The following VWA5B2 variants were observed in gnomAD, a reference collection of about 807,000 sequenced individuals.
VWA5B2 encodes the protein von Willebrand factor A domain-containing protein 5B2.
In VWA5B2, 93 loss-of-function variants were observed where a neutral mutation model predicts 118.5. The ratio of observed to expected loss-of-function variants is 0.79; its 90% CI spans 0.66 to 0.93. The LOEUF is 0.93. Among genes scored for constraint, VWA5B2 ranks in the 40% least tolerant of loss-of-function variants. VWA5B2 has a pLI of 0.00. For synonymous variants in VWA5B2, 708 were observed against 716.3 expected (o/e 0.99, Z 0.19); for missense variants, 1,546 against 1,672.8 (o/e 0.92, Z 1.32).
In VWA5B2 at chr3:184,241,145, G is replaced by A; in HGVS notation, c.2962+38G>A. 6.4e-7 allele frequency: 1 copy of A among 1,551,460 alleles called. No homozygotes were observed. The highest frequency in any genetic ancestry group is 8.7e-7 in the Non-Finnish European group (1 of 1,146,900). On this transcript the variant is annotated intron_variant, in intron 18 of 19. Coordinates refer to ENST00000691901, the MANE Select transcript of VWA5B2 (RefSeq NM_001390846.1). The surrounding 1 kb of genome is among the most constrained non-coding windows in gnomAD (Gnocchi z 5.1). Reference sequence around the variant, plus strand: ...GGTAGGGAAAGGGTAGGGGCACTTGGGCTTAGAGACCGCCCCCTGGCACTG... The same window carrying A: ...GGTAGGGAAAGGGTAGGGGCACTTGAGCTTAGAGACCGCCCCCTGGCACTG...
chr3:184,233,613 G>T lies in VWA5B2; in HGVS notation c.568G>T (p.Glu190Ter), dbSNP rs1403373682. 1 of 1,551,224 alleles carries T rather than the reference G, an allele frequency of 6.4e-7. No individual in the cohort carries two copies. The highest frequency in any genetic ancestry group is 2.0e-5 in the Admixed American group (1 of 50,978). ...CTTCGGGGTGGGCAGCCTTCAGGAG[G>T]AAGGGCTGGCCTGGGAGGAGCTGGC... ...SCFGVGSLQE[E>*]GLAWEELAAP... is the part of the protein sequence containing the mutation. Residue 190 changes from glutamate to a stop codon, truncating the protein, a stop_gained, in exon 5 of 20, where the codon GAA (glutamate) becomes TAA (stop). Coordinates refer to ENST00000691901, the MANE Select transcript of VWA5B2 (RefSeq NM_001390846.1). LOFTEE classifies it high-confidence loss of function. The surrounding 1 kb of genome is among the most constrained non-coding windows in gnomAD (Gnocchi z 5.2).
At chr3:184,232,333 G>C (rs1431752480) in intron 3 of VWA5B2, among the ~76,000 whole-genome samples, 1 of 152,232 alleles carries the variant, frequency 6.6e-6, no homozygotes, top group African/African-American at 2.4e-5. Flanking sequence ...GACTCAATTA[G>C]AGGTCACCGA....
rs1156300098 is a variant in VWA5B2 at position 184,238,357 on chromosome 3, G to A, written c.1774G>A (p.Glu592Lys). ...SGGSVFPSPE[E>K]APSAASPGTE... ...TGGGTCCGTGTTTCCATCCCCAGAA[G>A]AGGCCCCGTCTGCTGCCAGCCCTGG... The change falls in exon 13 of 20, where the codon GAG becomes AAG. Residue 592 changes from glutamate to lysine, a missense_variant. Glu to Lys is a moderately conservative substitution (Grantham distance 56). Around this residue, in one of 3 missense-constraint regions of VWA5B2, gnomAD observed 775 missense variants for 882.3 expected, o/e 0.88. Transcript: ENST00000691901. This position sits in a 1 kb window ranked among gnomAD's most constrained non-coding sequence, Gnocchi z 5.0. The A allele has an allele frequency of 1.3e-6, 2 of 1,549,968 alleles. No homozygotes were observed. Among genetic ancestry groups the A allele is most frequent in the Non-Finnish European group, 1.7e-6 (2 of 1,146,528 alleles).
At position 184,238,625 on chromosome 3, in the gene VWA5B2, T is replaced by C. The variant is rs1199989812; in HGVS notation, c.1954T>C (p.Trp652Arg). 3.2e-6 allele frequency: 5 copies of C among 1,551,876 alleles called. No homozygotes were observed. Among genetic ancestry groups the C allele is most frequent in the South Asian group, 2.4e-5 (2 of 84,072 alleles). Residue 652 changes from tryptophan to arginine, a missense_variant, in exon 14 of 20, where the codon TGG becomes CGG. This residue lies in a region of VWA5B2 where 775 missense variants were observed against 882.3 expected (regional missense o/e 0.88). Transcript: ENST00000691901. The surrounding 1 kb of genome is among the most constrained non-coding windows in gnomAD (Gnocchi z 5.0). ...ACCCAACCCCTCTGACACAGCCATA[T>C]GGCGCCGCATCTTTCAGTCCTCGTA... ...PGPNPSDTAI[W>R]RRIFQSSYIR...
chr3:184,241,839 A>AGCACCGAT lies in VWA5B2; in HGVS notation c.3533_3540dup (p.Ala1181ThrfsTer12), dbSNP rs1560159949. The AGCACCGAT allele has an allele frequency of 6.5e-7, 1 of 1,534,488 alleles. No individual in the cohort carries two copies. On this transcript the variant is annotated frameshift_variant, in exon 20 of 20. Coordinates refer to ENST00000691901, the MANE Select transcript of VWA5B2 (RefSeq NM_001390846.1). LOFTEE classifies it high-confidence loss of function. The surrounding 1 kb of genome is among the most constrained non-coding windows in gnomAD (Gnocchi z 5.1). ...ACTGCCGTAGCACTCGCCTGGCTGG[A>AGCACCGAT]GCACCGATGCGCCGCTGCCTTCGAC...
Position 184,237,252 on chromosome 3 carries a change from G to A in VWA5B2, c.1560G>A (p.Leu520=), listed in dbSNP as rs886969062. The change falls in exon 12 of 20, where the codon CTG becomes CTA. Residue 520 remains leucine (L), a synonymous_variant. Transcript: ENST00000691901. This position sits in a 1 kb window ranked among gnomAD's most constrained non-coding sequence, Gnocchi z 5.6. The part of the protein sequence containing the change: ...PMLVQALRKA[L]EPALSDISVD... Reference sequence around the variant, plus strand: ...TGGTACAGGCTCTGCGGAAGGCACTGGAGCCTGCTTTGAGTGACATCTCTG... The same window carrying A: ...TGGTACAGGCTCTGCGGAAGGCACTAGAGCCTGCTTTGAGTGACATCTCTG... The A allele has an allele frequency of 5.8e-6, 9 of 1,551,472 alleles. No individual in the cohort carries two copies. In the African/African-American group the frequency reaches 1.2e-4, roughly 21 times the overall value.
At chr3:184,234,833 T>A in intron 7 of VWA5B2, 78 bp downstream of exon 7, 1 of 1,538,396 alleles carries the variant, frequency 6.5e-7, no homozygotes, top group Non-Finnish European at 8.8e-7. Context: ...AGGCTTACAT[T>A]GGAATGGGTG....
intron 7 of VWA5B2, 107 bp downstream of exon 7, chr3:184,234,862 C>A: frequency 6.8e-7 from 1 of 1,468,254 alleles, no homozygotes; most frequent in Non-Finnish European, 9.1e-7. Context: ...CCTCTTTTCT[C>A]GGTAAGATCT....
rs748644500 is a variant in VWA5B2 at position 184,241,014 on chromosome 3, G to A, written c.2879-10G>A. ...GACAAACCTGACTCCTGTCCCATGT[G>A]CCCCTGCAGAGCCCGCTGAGCCCCC... is the stretch of plus-strand genomic sequence containing the variant. On this transcript the variant is annotated splice_polypyrimidine_tract_variant and intron_variant, in intron 17 of 19. Transcript: ENST00000691901. This position sits in a 1 kb window ranked among gnomAD's most constrained non-coding sequence, Gnocchi z 5.1. The A allele has an allele frequency of 6.4e-7, 1 of 1,551,560 alleles. No individual in the cohort carries two copies. The highest frequency in any genetic ancestry group is 1.2e-5 in the South Asian group (1 of 84,058).
intron 11 of VWA5B2, 95 bp downstream of exon 11, chr3:184,236,844 G>C: frequency 9.1e-7 from 1 of 1,093,488 alleles, no homozygotes; most frequent in Non-Finnish European, 1.3e-6. Context: ...GGCCATGGGG[G>C]CTCCTGGCGC....
Position 184,235,235 on chromosome 3 carries a change from C to T in VWA5B2, c.1028C>T (p.Ser343Phe). 3 of 1,551,614 alleles carry T rather than the reference C, an allele frequency of 1.9e-6. No homozygotes were observed. The highest frequency in any genetic ancestry group is 2.6e-6 in the Non-Finnish European group (3 of 1,146,948). ...LALSFCPDLS[S>F]KPGHLGTATR... is the part of the protein sequence containing the mutation. Reference sequence around the variant, plus strand: ...CTGAGCTTCTGCCCAGACCTGAGCTCCAAGCCCGGACACCTGGGGACAGCT... The same window carrying T: ...CTGAGCTTCTGCCCAGACCTGAGCTTCAAGCCCGGACACCTGGGGACAGCT... Residue 343 changes from serine to phenylalanine, a missense_variant, in exon 8 of 20, where the codon TCC becomes TTC. This residue lies in a region of VWA5B2 where 775 missense variants were observed against 882.3 expected (regional missense o/e 0.88). Coordinates refer to ENST00000691901, the MANE Select transcript of VWA5B2 (RefSeq NM_001390846.1).
chr3:184,236,112 A>G lies in VWA5B2; in HGVS notation c.1102-40A>G, dbSNP rs190217783. 5.4e-4 allele frequency: 827 copies of G among 1,522,088 alleles called. 4 individuals carry two copies. In the African/African-American group the frequency reaches 8.4e-3, roughly 15 times the overall value. The allele number at this position is 1,522,088 out of a possible 1,614,324, so 94.3% of individuals were successfully genotyped here. ...CTTCCCTTGCTCTGTATCAGGGCCC[A>G]TGGGGCCGGCCTCACGCCGCCCTCC... On this transcript the variant is annotated intron_variant, in intron 8 of 19. Transcript: ENST00000691901.
Position 184,230,400 on chromosome 3 carries a change from G to T in VWA5B2, c.-129G>T. ...CTCAGGAGCTCCCGCTCGGCCTCGC[G>T]CCCCGGCAGGCCCCGTCCGGGTGCT... On this transcript the variant is annotated 5_prime_UTR_variant, in exon 2 of 20. Transcript: ENST00000691901. 2.6e-6 allele frequency: 3 copies of T among 1,154,484 alleles called. No individual in the cohort carries two copies. The highest frequency in any genetic ancestry group is 2.2e-6 in the Non-Finnish European group (2 of 896,174). The allele number at this position is 1,154,484 out of a possible 1,614,324, so 71.5% of individuals were successfully genotyped here. A position where few individuals can be genotyped will look rare whatever the true frequency, so the allele number is the denominator to read the frequency against.
In VWA5B2 at chr3:184,238,434, A is replaced by G; in HGVS notation, c.1851A>G (p.Ala617=). 2 of 1,550,476 alleles carry G rather than the reference A, an allele frequency of 1.3e-6. No homozygotes were observed. The highest frequency in any genetic ancestry group is 1.7e-6 in the Non-Finnish European group (2 of 1,146,400). Residue 617 remains alanine (A), a synonymous_variant, in exon 13 of 20, where the codon GCA becomes GCG. Coordinates refer to ENST00000691901, the MANE Select transcript of VWA5B2 (RefSeq NM_001390846.1). This position sits in a 1 kb window ranked among gnomAD's most constrained non-coding sequence, Gnocchi z 5.0. ...CACTGGGAACAGGCACTGTCTCAGC[A>G]GAACTGTCCAGCCCATGGGCTGCCA... ...SEPLGTGTVS[A]ELSSPWAARD...
chr3:184,233,800 G>T lies in VWA5B2; in HGVS notation c.688+67G>T, dbSNP rs946228681. The T allele has an allele frequency of 1.3e-6, 2 of 1,527,030 alleles. No homozygotes were observed. Among genetic ancestry groups the T allele is most frequent in the Admixed American group, 4.1e-5 (2 of 49,124 alleles). 94.6% of individuals were successfully genotyped at this position (1,527,030 alleles called of 1,614,324 possible). On this transcript the variant is annotated intron_variant, in intron 5 of 19. Coordinates refer to ENST00000691901, the MANE Select transcript of VWA5B2 (RefSeq NM_001390846.1). The surrounding 1 kb of genome is among the most constrained non-coding windows in gnomAD (Gnocchi z 5.2). ...CTCCACCCAGTGTAGTGACTGGAAGGGAAATAAGGCTCAGGGATAGGAGGG... is the reference window on the plus strand; with the variant it reads ...CTCCACCCAGTGTAGTGACTGGAAGTGAAATAAGGCTCAGGGATAGGAGGG...
In VWA5B2 at chr3:184,239,752, C is replaced by T. The variant is rs772459643; in HGVS notation, c.2456C>T (p.Thr819Met). Residue 819 changes from threonine (T) to methionine (M), a missense_variant, in exon 16 of 20, where the codon ACG (threonine) becomes ATG (methionine). Transcript: ENST00000691901. This position sits in a 1 kb window ranked among gnomAD's most constrained non-coding sequence, Gnocchi z 5.1. Reference sequence around the variant, plus strand: ...CTGATGGAACCACCCTTCTTATTCACGGCTGTGCCTCCTAGTGGGGAGTTG... The same window carrying T: ...CTGATGGAACCACCCTTCTTATTCATGGCTGTGCCTCCTAGTGGGGAGTTG... The part of the protein sequence containing the change: ...DMLMEPPFLF[T>M]AVPPSGELAP... 40 of 1,517,716 alleles carry T rather than the reference C, an allele frequency of 2.6e-5. 1 individual carries two copies. Among genetic ancestry groups the T allele is most frequent in the Admixed American group, 1.0e-4 (5 of 48,290 alleles). 94.0% of individuals were successfully genotyped at this position (1,517,716 alleles called of 1,614,324 possible).
At position 184,240,775 on chromosome 3, in the gene VWA5B2, C is replaced by G. The variant is rs1231097504; in HGVS notation, c.2741-16C>G. 1.3e-6 allele frequency: 2 copies of G among 1,549,862 alleles called. No individual in the cohort carries two copies. The highest frequency in any genetic ancestry group is 1.7e-6 in the Non-Finnish European group (2 of 1,146,746). On this transcript the variant is annotated splice_polypyrimidine_tract_variant and intron_variant, in intron 16 of 19. Transcript: ENST00000691901. ...TGGGTGGTGGGGGCTCCACAGACTG[C>G]TCCTTGGTTCCACAGGCCATGCCCG...
rs1190314872 is a variant in VWA5B2 at position 184,239,328 on chromosome 3, G to A, written c.2203-66G>A. On this transcript the variant is annotated intron_variant, in intron 14 of 19. Transcript: ENST00000691901. This position sits in a 1 kb window ranked among gnomAD's most constrained non-coding sequence, Gnocchi z 5.1. ...CAGAAAAGGGGCATGGGCCAGCTGT[G>A]CACCCATGTATGATGGTCAAGGGTT... 2 of 1,433,088 alleles carry A rather than the reference G, an allele frequency of 1.4e-6. No homozygotes were observed. Among genetic ancestry groups the A allele is most frequent in the Non-Finnish European group, 1.8e-6 (2 of 1,084,950 alleles). 88.8% of individuals were successfully genotyped at this position (1,433,088 alleles called of 1,614,324 possible).
chr3:184,238,072 C>CTT lies in VWA5B2; in HGVS notation c.1720-222_1720-221dup, dbSNP rs374542910. ...TTGATCATGAGAGCTGCATAACAGA[C>CTT]TTTTTTTTTTGCCTGGCTGCCAGGG... On this transcript the variant is annotated intron_variant, in intron 12 of 19. Coordinates refer to ENST00000691901, the MANE Select transcript of VWA5B2 (RefSeq NM_001390846.1). The surrounding 1 kb of genome is among the most constrained non-coding windows in gnomAD (Gnocchi z 5.0). Among the ~76,000 whole-genome samples, 2 of 149,174 alleles carry CTT rather than the reference C, an allele frequency of 1.3e-5. No homozygotes were observed. Among genetic ancestry groups the CTT allele is most frequent in the African/African-American group, 4.9e-5 (2 of 40,674 alleles).
Sources: gnomAD v4.1 joint callset for allele counts (sites outside exome capture counted in the v4.1 genomes callset) on GRCh38, gnomAD v4.1.1 for gene constraint, gnomAD v4.1.1 regional missense constraint, Gnocchi (gnomAD v3.1) non-coding constraint, MANE v1.5 for transcripts, NCBI Gene and HGNC (gene_info 2026-07-23, HGNC 2026-07-21) for gene names.